Variants in CALN1 observed in about 807,000 individuals in gnomAD.
The protein encoded by CALN1 is calneuron 1.
Under a neutral mutation model 30.6 loss-of-function variants are expected in CALN1, and 17 were observed. The ratio of observed to expected loss-of-function variants is 0.56; its 90% CI spans 0.38 to 0.83. CALN1 has a LOEUF of 0.83. CALN1 is among the 40% of genes least tolerant of loss of function. The pLI is 0.00. For synonymous variants in CALN1, 156 were observed against 131.4 expected (o/e 1.19, Z -1.28); for missense variants, 291 against 354.9 (o/e 0.82, Z 1.45).
chr7:71,921,770 T>G (rs193165769), intron 5 of CALN1, among the ~76,000 whole-genome samples: 2 of 152,258 alleles, frequency 1.3e-5, no homozygotes, highest in Non-Finnish European at 2.9e-5. Context: ...CTGGGACACA[T>G]AATCTGTCCT....
intron 3 of CALN1, among the ~76,000 whole-genome samples, chr7:72,274,815 T>G (rs952472538): frequency 6.6e-6 from 1 of 152,146 alleles, no homozygotes; most frequent in African/African-American, 2.4e-5. Context: ...ACTGTCTCCA[T>G]CAATCCACCT....
chr7:71,945,778 T>A (rs191188910), intron 5 of CALN1, among the ~76,000 whole-genome samples: 1 of 152,208 alleles, frequency 6.6e-6, no homozygotes, highest in African/African-American at 2.4e-5. Flanking sequence ...ACACGTTGTG[T>A]AATTATTTCA....
chr7:71,982,990 C>T (rs549652044), intron 5 of CALN1, among the ~76,000 whole-genome samples: 4 of 152,250 alleles, frequency 2.6e-5, no homozygotes, highest in East Asian at 3.9e-4. Flanking sequence ...AGTGAAAGCC[C>T]ATTTGCATAA....
At chr7:71,842,607 A>G (rs1428612234) in intron 5 of CALN1, among the ~76,000 whole-genome samples, 2 of 152,206 alleles carry the variant, frequency 1.3e-5, no homozygotes, top group African/African-American at 2.4e-5. Context: ...ACACCGGTAC[A>G]TTAGCTTCTC....
intron 3 of CALN1, among the ~76,000 whole-genome samples, chr7:72,273,687 T>A (rs1348995473): frequency 6.6e-6 from 1 of 151,756 alleles, no homozygotes; most frequent in African/African-American, 2.4e-5. Context: ...TCCAGCTAAT[T>A]TTTTGTAGAG....
At chr7:72,377,893 A>G (rs1157658891) in intron 2 of CALN1, among the ~76,000 whole-genome samples, 1 of 152,112 alleles carries the variant, frequency 6.6e-6, no homozygotes, top group Non-Finnish European at 1.5e-5. Context: ...TCCTGGGCAT[A>G]CTCACAGCTC....
At chr7:72,040,898 A>C (rs141440527) in intron 4 of CALN1, among the ~76,000 whole-genome samples, 121 of 152,208 alleles carry the variant, frequency 7.9e-4, no homozygotes, top group Non-Finnish European at 1.6e-3. Context: ...AAAATAAACA[A>C]ATTTCTGCTG....
chr7:71,824,919 G>C (rs150183736), intron 5 of CALN1, among the ~76,000 whole-genome samples: 1 of 152,228 alleles, frequency 6.6e-6, no homozygotes, highest in Non-Finnish European at 1.5e-5. Context: ...CTACACAGTT[G>C]AGTGATCTCA....
chr7:71,794,184 G>A (rs963636121), intron 6 of CALN1, among the ~76,000 whole-genome samples: 4 of 152,144 alleles, frequency 2.6e-5, no homozygotes, highest in African/African-American at 9.7e-5. Context: ...GCAGAGGTGG[G>A]ATTTGAGCTG....
intron 1 of CALN1, among the ~76,000 whole-genome samples, chr7:72,439,356 A>C (rs922425535): frequency 5.3e-5 from 8 of 152,012 alleles, no homozygotes; most frequent in Admixed American, 2.6e-4. Flanking sequence ...AATCTCCAAA[A>C]ACTTGACTGC....
intron 5 of CALN1, among the ~76,000 whole-genome samples, chr7:71,915,391 G>A (rs1794636308): frequency 6.6e-6 from 1 of 152,178 alleles, no homozygotes; most frequent in Admixed American, 6.5e-5. Context: ...GAAACCAAAT[G>A]TCTAGGAATG....
At chr7:72,264,886 G>A (rs1271808216) in intron 3 of CALN1, among the ~76,000 whole-genome samples, 2 of 152,068 alleles carry the variant, frequency 1.3e-5, no homozygotes, top group Non-Finnish European at 2.9e-5. Context: ...CCCTCTATGT[G>A]ACCATGTGTT....
intron 5 of CALN1, among the ~76,000 whole-genome samples, chr7:71,982,601 A>C (rs1015291983): frequency 6.6e-6 from 1 of 152,232 alleles, no homozygotes; most frequent in African/African-American, 2.4e-5. Flanking sequence ...TCGCAAAACA[A>C]AACAGAATAA....
At position 71,951,574 on chromosome 7, in the gene CALN1, G is replaced by C. The variant is rs552842153; in HGVS notation, c.501+72083C>G. Among the ~76,000 whole-genome samples the C allele has an allele frequency of 5.3e-5, 8 of 152,294 alleles. No individual in the cohort carries two copies. In the East Asian group the frequency reaches 1.5e-3, roughly 29 times the overall value. ...CCACTGCATTCCAGCCTGGGCAACA[G>C]AGCAGTACTCCATCTCAATAACAAA... On this transcript the variant is annotated intron_variant, in intron 5 of 6. Coordinates refer to ENST00000395275, the MANE Select transcript of CALN1 (RefSeq NM_031468.4).
chr7:71,928,609 A>G lies in CALN1; in HGVS notation c.501+95048T>C, dbSNP rs918119401. On this transcript the variant is annotated intron_variant, in intron 5 of 6. Transcript: ENST00000395275. ...ATGCAATTACTTTTGCACCAATGTAATAGTTCACATACCATATCTTTCGCT... is the reference window on the plus strand; with the variant it reads ...ATGCAATTACTTTTGCACCAATGTAGTAGTTCACATACCATATCTTTCGCT... Among the ~76,000 whole-genome samples the G allele has an allele frequency of 2.8e-4, 43 of 152,294 alleles. No homozygotes were observed. The Middle Eastern group carries it at 0.01, about 36-fold the overall frequency.
chr7:72,347,594 C>T (rs1323195733), intron 2 of CALN1, among the ~76,000 whole-genome samples: 1 of 152,044 alleles, frequency 6.6e-6, no homozygotes, highest in African/African-American at 2.4e-5. Context: ...CAGCCAGGCC[C>T]CCTCTCCTTC....
At chr7:72,223,746 A>G (rs1220599054) in intron 3 of CALN1, among the ~76,000 whole-genome samples, 2 of 152,266 alleles carry the variant, frequency 1.3e-5, no homozygotes, top group African/African-American at 4.8e-5. Context: ...CATGAAATCC[A>G]GACAGATGAA....
chr7:72,075,694 G>A (rs844747), intron 4 of CALN1, among the ~76,000 whole-genome samples: 113,164 of 152,072 alleles, frequency 0.74, 42,587 homozygotes, highest in East Asian at 1. Flanking sequence ...CCCTGCACCA[G>A]CGTATTCAGA....
At chr7:71,977,598 G>T (rs1798162989) in intron 5 of CALN1, among the ~76,000 whole-genome samples, 2 of 152,066 alleles carry the variant, frequency 1.3e-5, no homozygotes, top group African/African-American at 4.8e-5. Flanking sequence ...CACCTGCTGG[G>T]AGTTTACCTG....
Sources: gnomAD v4.1 joint callset for allele counts (sites outside exome capture counted in the v4.1 genomes callset) on GRCh38, gnomAD v4.1.1 for gene constraint, MANE v1.5 for transcripts, NCBI Gene and HGNC (gene_info 2026-07-23, HGNC 2026-07-21) for gene names.